HERPUD2: variants seen among roughly 807,000 people sequenced by gnomAD.
HERPUD2 encodes HERPUD family member 2.
HERPUD2 carries 13 observed loss-of-function variants against 49.9 expected under a neutral mutation model. That is an observed-to-expected ratio of 0.26 (90% CI 0.17 to 0.41). The LOEUF is 0.41. Ranked by LOEUF, HERPUD2 falls within the 10% of genes least tolerant of loss-of-function variation. The pLI, the probability that HERPUD2 is intolerant of heterozygous loss-of-function variation, is 1.00. For missense variants in HERPUD2, 449 were observed against 492.2 expected (o/e 0.91, Z 0.83); for synonymous variants, 172 against 171.4 (o/e 1.00, Z -0.03).
chr7:35,664,886 G>A lies in HERPUD2; in HGVS notation c.494+2548C>T, dbSNP rs186758341. Reference sequence around the variant, plus strand: ...TTGTTATTACCGATTGTCTGAAGCCGCCTTCTCTCGACTCGTCAAAGTCAT... The same window carrying A: ...TTGTTATTACCGATTGTCTGAAGCCACCTTCTCTCGACTCGTCAAAGTCAT... On this transcript the variant is annotated intron_variant, in intron 5 of 8. Coordinates refer to ENST00000311350, the MANE Select transcript of HERPUD2 (RefSeq NM_022373.5). 5.9e-5 allele frequency among the ~76,000 whole-genome samples: 9 copies of A among 152,198 alleles called. No homozygotes were observed. In the East Asian group the frequency reaches 9.6e-4, roughly 16 times the overall value.
chr7:35,694,169 C>T lies in HERPUD2; in HGVS notation c.147+15G>A, dbSNP rs377669816. ...TGCTGGTCAGAGCAGCTGCCCCCAG[C>T]TTTTACACACTTACTGGTTTGCTAG... On this transcript the variant is annotated intron_variant, in intron 2 of 8. Coordinates refer to ENST00000311350, the MANE Select transcript of HERPUD2 (RefSeq NM_022373.5). 480 of 1,613,934 alleles carry T rather than the reference C, an allele frequency of 3.0e-4. No individual in the cohort carries two copies. The highest frequency in any genetic ancestry group is 3.2e-4 in the Non-Finnish European group (380 of 1,179,960).
At chr7:35,667,325 A>G (rs935337828) in intron 5 of HERPUD2, 109 bp downstream of exon 5, 4 of 1,003,752 alleles carry the variant, frequency 4.0e-6, no homozygotes, top group East Asian at 4.8e-5. Context: ...ATATATGAAT[A>G]AATTTAAAAT....
intron 5 of HERPUD2, among the ~76,000 whole-genome samples, chr7:35,650,734 C>A (rs1292252587): frequency 1.3e-5 from 2 of 152,160 alleles, no homozygotes; most frequent in African/African-American, 2.4e-5. Flanking sequence ...CCATCTGAGA[C>A]CAAAGTGTAC....
chr7:35,644,697 GC>G (rs1451148163), intron 5 of HERPUD2, among the ~76,000 whole-genome samples: 2 of 152,140 alleles, frequency 1.3e-5, no homozygotes, highest in African/African-American at 4.8e-5. Context: ...AACCCAGGAG[GC>G]AGAGGTTCCA....
At chr7:35,639,572 T>TA (rs1389479520) in intron 5 of HERPUD2, among the ~76,000 whole-genome samples, 3 of 152,316 alleles carry the variant, frequency 2.0e-5, no homozygotes, top group South Asian at 4.1e-4. Context: ...ACTACAGAGA[T>TA]AAACAGGTAA....
intron 3 of HERPUD2, 111 bp from the exon 4 acceptor site, chr7:35,670,439 A>G (rs1785620910): frequency 2.4e-6 from 1 of 417,292 alleles, no homozygotes; most frequent in African/African-American, 2.1e-5. Flanking sequence ...GAGCCTAGCC[A>G]TTTAATTACT....
intron 5 of HERPUD2, among the ~76,000 whole-genome samples, chr7:35,650,326 G>A (rs370083341): frequency 2.0e-5 from 3 of 152,232 alleles, no homozygotes; most frequent in African/African-American, 7.2e-5. Context: ...GAAAGGTTAA[G>A]TGGGGACCCC....
chr7:35,650,505 C>T (rs1225718465), intron 5 of HERPUD2, among the ~76,000 whole-genome samples: 1 of 152,120 alleles, frequency 6.6e-6, no homozygotes, highest in Non-Finnish European at 1.5e-5. Context: ...AGCAAGGCAC[C>T]ATTTTCAGAG....
At chr7:35,675,917 G>A (rs1350733311) in intron 2 of HERPUD2, among the ~76,000 whole-genome samples, 1 of 152,114 alleles carries the variant, frequency 6.6e-6, no homozygotes, top group Admixed American at 6.6e-5. Flanking sequence ...TGGGACTCCA[G>A]ATATATGCCA....
At position 35,670,203 on chromosome 7, in the gene HERPUD2, A is replaced by C; in HGVS notation, c.339+12T>G. On this transcript the variant is annotated intron_variant, in intron 4 of 8. Transcript: ENST00000311350. ...GAAAAGTTCAATGTTTACTCCTCCC[A>C]AAACAACTCACAGAATTGCTGCTGG... 7.1e-7 allele frequency: 1 copy of C among 1,411,788 alleles called. No individual in the cohort carries two copies. The highest frequency in any genetic ancestry group is 9.7e-7 in the Non-Finnish European group (1 of 1,025,712). The allele number at this position is 1,411,788 out of a possible 1,614,324, so 87.5% of individuals were successfully genotyped here. A position where few individuals can be genotyped will look rare whatever the true frequency, so the allele number is the denominator to read the frequency against.
chr7:35,694,458 T>C lies in HERPUD2; in HGVS notation c.-128A>G. 1 of 948,208 alleles carries C rather than the reference T, an allele frequency of 1.1e-6. No individual in the cohort carries two copies. The highest frequency in any genetic ancestry group is 2.5e-5 in the East Asian group (1 of 40,128). The allele number at this position is 948,208 out of a possible 1,614,324, so 58.7% of individuals were successfully genotyped here. On this transcript the variant is annotated 5_prime_UTR_variant, in exon 2 of 9. Transcript: ENST00000311350. The stretch of plus-strand genomic sequence containing the variant: ...CTTAGTATTCCGTGTCCAAGTCAGT[T>C]ACAAGTGCACTGGAGGATACGAAGC...
chr7:35,641,387 G>A (rs1392088480), intron 5 of HERPUD2, among the ~76,000 whole-genome samples: 1 of 152,080 alleles, frequency 6.6e-6, no homozygotes, highest in Non-Finnish European at 1.5e-5. Flanking sequence ...TCATTAAAAT[G>A]GCCATATTAT....
intron 5 of HERPUD2, among the ~76,000 whole-genome samples, chr7:35,653,822 G>A (rs1398455176): frequency 6.6e-6 from 1 of 151,466 alleles, no homozygotes; most frequent in Non-Finnish European, 1.5e-5. Flanking sequence ...ATTGGGCCAA[G>A]GAAGAAATTA....
intron 5 of HERPUD2, 72 bp downstream of exon 5, chr7:35,667,362 T>C: frequency 7.6e-7 from 1 of 1,318,786 alleles, no homozygotes; most frequent in South Asian, 1.2e-5. Flanking sequence ...AAAGAGGCTA[T>C]AGTGAAACTC....
chr7:35,670,749 C>T (rs1011813734), intron 3 of HERPUD2, among the ~76,000 whole-genome samples: 1 of 151,990 alleles, frequency 6.6e-6, no homozygotes, highest in African/African-American at 2.4e-5. Context: ...TCACATTTGC[C>T]TTAATTTTAG....
chr7:35,648,773 C>G (rs76385666), intron 5 of HERPUD2, among the ~76,000 whole-genome samples: 12,608 of 152,224 alleles, frequency 0.083, 751 homozygotes, highest in South Asian at 0.21. Flanking sequence ...TGAACTCAAT[C>G]TACAATCCAA....
chr7:35,653,398 C>T (rs753585336), intron 5 of HERPUD2, among the ~76,000 whole-genome samples: 7 of 152,008 alleles, frequency 4.6e-5, no homozygotes, highest in Non-Finnish European at 1.0e-4. Flanking sequence ...TAAACGAATC[C>T]AACACCAGAC....
Position 35,694,892 on chromosome 7 carries a change from G to T in HERPUD2, c.-389C>A, listed in dbSNP as rs1786286277. ...GTCCGGCCAGGCGTTTTCCGTGGCA[G>T]CCGCTCCCTTCCTGCTGCGCGGCGA... On this transcript the variant is annotated 5_prime_UTR_variant, in exon 1 of 9. It adds an upstream start codon to the 5' untranslated region. Transcript: ENST00000311350. 1 of 152,734 alleles carries T rather than the reference G, an allele frequency of 6.5e-6. No individual in the cohort carries two copies. Among genetic ancestry groups the T allele is most frequent in the Non-Finnish European group, 1.5e-5 (1 of 68,350 alleles). 9.5% of individuals were successfully genotyped at this position (152,734 alleles called of 1,614,324 possible).
At chr7:35,689,812 A>AC (rs1012336404) in intron 2 of HERPUD2, among the ~76,000 whole-genome samples, 1 of 152,144 alleles carries the variant, frequency 6.6e-6, no homozygotes, top group Non-Finnish European at 1.5e-5. Context: ...AGGTATTTTG[A>AC]CCCCAAGACT....
Sources: gnomAD v4.1 joint callset for allele counts (sites outside exome capture counted in the v4.1 genomes callset) on GRCh38, gnomAD v4.1.1 for gene constraint, MANE v1.5 for transcripts, NCBI Gene and HGNC (gene_info 2026-07-23, HGNC 2026-07-21) for gene names.